The following PPP1R1C variants were observed in gnomAD, a reference collection of about 807,000 sequenced individuals.
PPP1R1C encodes the protein protein phosphatase 1 regulatory subunit 1C.
A neutral mutation model predicts 17.4 loss-of-function variants in PPP1R1C; 15 were observed. The ratio of observed to expected loss-of-function variants is 0.86; its 90% CI spans 0.58 to 1.33. The LOEUF is 1.33. PPP1R1C is among the 40% of genes most tolerant of loss of function. PPP1R1C has a pLI of 0.00. For synonymous variants in PPP1R1C, 35 were observed against 43.1 expected (o/e 0.81, Z 0.73); for missense variants, 143 against 130.0 (o/e 1.10, Z -0.48).
intron 2 of PPP1R1C, among the ~76,000 whole-genome samples, chr2:182,044,484 C>T (rs1468462587): frequency 6.6e-6 from 1 of 152,190 alleles, no homozygotes; most frequent in African/African-American, 2.4e-5. Flanking sequence ...CTTTTCTCAT[C>T]TCCAGTCTTA....
At chr2:182,078,876 C>A (rs975403595) in intron 4 of PPP1R1C, among the ~76,000 whole-genome samples, 6 of 152,160 alleles carry the variant, frequency 3.9e-5, no homozygotes, top group African/African-American at 1.4e-4. Flanking sequence ...CTGCCCCAAC[C>A]AACAGAATGA....
upstream of PPP1R1C, among the ~76,000 whole-genome samples, chr2:181,981,894 T>C: frequency 6.6e-6 from 1 of 152,358 alleles, no homozygotes; most frequent in South Asian, 2.1e-4. Flanking sequence ...ATCTAGATGA[T>C]ATTGTATTTT....
intron 2 of PPP1R1C, among the ~76,000 whole-genome samples, chr2:182,021,506 T>C (rs529851708): frequency 6.6e-6 from 1 of 152,074 alleles, no homozygotes; most frequent in African/African-American, 2.4e-5. Flanking sequence ...TTTTGTATTT[T>C]TAGTAGAGAC....
At chr2:181,973,221 C>A (rs1044302387) in intron 1 of PPP1R1C, among the ~76,000 whole-genome samples, 7 of 152,142 alleles carry the variant, frequency 4.6e-5, no homozygotes. Context: ...ATATAGGTTT[C>A]ATGTTCTTAC....
chr2:181,969,103 T>C (rs1236792595), intron 1 of PPP1R1C, among the ~76,000 whole-genome samples: 2 of 152,200 alleles, frequency 1.3e-5, no homozygotes, highest in Non-Finnish European at 2.9e-5. Flanking sequence ...ATAGGTTTAT[T>C]GTTTAGTCTT....
chr2:182,082,423 G>A (rs1182603638), intron 4 of PPP1R1C, among the ~76,000 whole-genome samples: 2 of 152,084 alleles, frequency 1.3e-5, no homozygotes, highest in African/African-American at 2.4e-5. Context: ...ATGTGTGCAC[G>A]TGTCTGGCAT....
intron 1 of PPP1R1C, among the ~76,000 whole-genome samples, chr2:181,956,689 T>G (rs532643380): frequency 3.3e-5 from 5 of 152,218 alleles, no homozygotes; most frequent in Non-Finnish European, 5.9e-5. Flanking sequence ...CACATAAATG[T>G]CTTCTTTTGA....
chr2:182,028,090 A>T, intron 2 of PPP1R1C, among the ~76,000 whole-genome samples: 1 of 134,944 alleles, frequency 7.4e-6, no homozygotes, highest in Non-Finnish European at 1.6e-5. Flanking sequence ...TGTCTATTTG[A>T]TTCTTCTCTC....
chr2:182,092,911 C>A (rs1466603107), intron 4 of PPP1R1C, among the ~76,000 whole-genome samples: 1 of 152,156 alleles, frequency 6.6e-6, no homozygotes, highest in Non-Finnish European at 1.5e-5. Context: ...TCCAGGTGCA[C>A]AATGCAAGCT....
At chr2:181,988,016 T>G in intron 2 of PPP1R1C, 117 bp downstream of exon 2, 7 of 733,040 alleles carry the variant, frequency 9.5e-6, no homozygotes, top group Admixed American at 2.6e-5. Context: ...AGCAATACTC[T>G]AGAAAGCTAA....
intron 2 of PPP1R1C, among the ~76,000 whole-genome samples, chr2:182,054,652 A>AGTGTGT (rs112893216): frequency 2.9e-4 from 44 of 149,884 alleles, no homozygotes; most frequent in African/African-American, 8.6e-4. Flanking sequence ...TGTGTGTGTA[A>AGTGTGT]GTGTGTGTGT....
downstream of PPP1R1C, among the ~76,000 whole-genome samples, chr2:182,121,640 A>G (rs577141008): frequency 2.0e-5 from 3 of 152,040 alleles, no homozygotes; most frequent in African/African-American, 7.2e-5. Context: ...GGTGCCCACC[A>G]CCACGCCCAG....
At chr2:181,954,529 G>GA (rs1684639195) in exon 1 of PPP1R1C, 1 of 152,128 alleles carries the variant, frequency 6.6e-6, no homozygotes, top group Admixed American at 6.5e-5. Context: ...AGGACACAGT[G>GA]AAAAATGTAC....
chr2:181,994,189 GA>G (rs1328728377), intron 2 of PPP1R1C, among the ~76,000 whole-genome samples: 1 of 151,948 alleles, frequency 6.6e-6, no homozygotes, highest in Non-Finnish European at 1.5e-5. Context: ...GCATGCTACT[GA>G]TGCTTAGGTT....
intron 2 of PPP1R1C, among the ~76,000 whole-genome samples, chr2:182,024,842 A>C (rs1407219136): frequency 6.6e-6 from 1 of 150,876 alleles, no homozygotes; most frequent in African/African-American, 2.4e-5. Flanking sequence ...GCAACAAAGC[A>C]AGAATCTGTC....
intron 1 of PPP1R1C, among the ~76,000 whole-genome samples, chr2:181,972,047 A>G: frequency 6.6e-6 from 1 of 152,132 alleles, no homozygotes; most frequent in East Asian, 1.9e-4. Flanking sequence ...TGCTCACATG[A>G]TTTTTTTGGT....
chr2:182,039,703 G>A (rs538700616), intron 2 of PPP1R1C, among the ~76,000 whole-genome samples: 15 of 152,174 alleles, frequency 9.9e-5, no homozygotes, highest in Admixed American at 2.6e-4. Context: ...TTTTGGTTAC[G>A]TAGACGAATT....
chr2:182,084,822 T>C (rs566137432), intron 4 of PPP1R1C, among the ~76,000 whole-genome samples: 10 of 152,288 alleles, frequency 6.6e-5, no homozygotes, highest in South Asian at 6.2e-4. Flanking sequence ...AGGAATTGCA[T>C]TGAGTCTATA....
chr2:182,106,860 C>G (rs1431038370), intron 4 of PPP1R1C, among the ~76,000 whole-genome samples: 1 of 152,172 alleles, frequency 6.6e-6, no homozygotes, highest in Admixed American at 6.5e-5. Flanking sequence ...CACGACTTGC[C>G]AGTGTGCATG....
Sources: allele counts gnomAD v4.1 joint callset (sites outside exome capture counted in the v4.1 genomes callset), GRCh38; gene constraint gnomAD v4.1.1; transcripts MANE v1.5; gene names NCBI Gene and HGNC (gene_info 2026-07-23, HGNC 2026-07-21).